NTF3: variants seen among roughly 807,000 people sequenced by gnomAD.
NTF3 encodes the protein neurotrophin 3.
NTF3 carries 8 observed loss-of-function variants against 26.3 expected under a neutral mutation model. The ratio of observed to expected loss-of-function variants is 0.30; its 90% CI spans 0.18 to 0.55. The LOEUF is 0.55. Ranked by LOEUF, NTF3 falls within the 20% of genes least tolerant of loss-of-function variation. NTF3 has a pLI of 0.93. For missense variants in NTF3, 276 were observed against 352.9 expected (o/e 0.78, Z 1.75); for synonymous variants, 154 against 145.5 (o/e 1.06, Z -0.42).
chr12:5,481,539 CAGAAT>C (rs1940797984), intron 1 of NTF3, among the ~76,000 whole-genome samples: 1 of 11,796 alleles, frequency 8.5e-5, no homozygotes, highest in African/African-American at 2.6e-4. Context: ...GACACATTCA[CAGAAT>C]ACATATATGC....
Position 5,495,103 on chromosome 12 carries a change from T to G in NTF3, c.*115T>G. 1 of 1,136,430 alleles carries G rather than the reference T, an allele frequency of 8.8e-7. No homozygotes were observed. The highest frequency in any genetic ancestry group is 1.2e-6 in the Non-Finnish European group (1 of 800,378). The allele number at this position is 1,136,430 out of a possible 1,614,324, so 70.4% of individuals were successfully genotyped here. A position where few individuals can be genotyped will look rare whatever the true frequency, so the allele number is the denominator to read the frequency against. On this transcript the variant is annotated 3_prime_UTR_variant, in exon 2 of 2. Transcript: ENST00000423158. ...TAAGTTGACCTTTATTTATTAAACT[T>G]CAGCAACCCTACAGTATATAAGCTT...
At chr12:5,438,633 T>C (rs563522854) in intron 1 of NTF3, among the ~76,000 whole-genome samples, 9 of 152,224 alleles carry the variant, frequency 5.9e-5, no homozygotes, top group Middle Eastern at 3.4e-3. Flanking sequence ...AGGCCAGAGA[T>C]TTTGGAGGAA....
Position 5,494,261 on chromosome 12 carries a change from T to C in NTF3, c.86T>C (p.Ile29Thr). Reference protein sequence around the residue: ...YVIFLAYLRGIQGNNMDQRSL... With the variant: ...YVIFLAYLRGTQGNNMDQRSL... ...ATATTTCTCGCTTATCTCCGTGGCATCCAAGGTAACAACATGGATCAAAGG... is the reference window on the plus strand; with the variant it reads ...ATATTTCTCGCTTATCTCCGTGGCACCCAAGGTAACAACATGGATCAAAGG... Residue 29 changes from isoleucine to threonine, a missense_variant, in exon 2 of 2, where the codon ATC (isoleucine) becomes ACC (threonine). Coordinates refer to ENST00000423158, the MANE Select transcript of NTF3 (RefSeq NM_001102654.2). This position sits in a 1 kb window ranked among gnomAD's most constrained non-coding sequence, Gnocchi z 8.3. 6.2e-7 allele frequency: 1 copy of C among 1,614,120 alleles called. No individual in the cohort carries two copies. The highest frequency in any genetic ancestry group is 8.5e-7 in the Non-Finnish European group (1 of 1,180,026).
chr12:5,442,213 G>A (rs1178584053), intron 1 of NTF3, among the ~76,000 whole-genome samples: 2 of 152,156 alleles, frequency 1.3e-5, no homozygotes, highest in African/African-American at 4.8e-5. Flanking sequence ...TTCAGGTGTT[G>A]TTTTTTAGTA....
In NTF3 at chr12:5,441,951, C is replaced by T. The variant is rs80101005; in HGVS notation, c.18+9609C>T. Among the ~76,000 whole-genome samples the T allele has an allele frequency of 2.2e-3, 335 of 152,312 alleles. 2 individuals carry two copies. The highest frequency in any genetic ancestry group is 0.01 in the Middle Eastern group (3 of 294). ...ATTGGGGCTCTTGGTCACAGGGAAT[C>T]GGGTGTCATTGCATACGCATTAGGA... On this transcript the variant is annotated intron_variant, in intron 1 of 1. Coordinates refer to ENST00000423158, the MANE Select transcript of NTF3 (RefSeq NM_001102654.2).
intron 1 of NTF3, among the ~76,000 whole-genome samples, chr12:5,484,561 G>C (rs12306918): frequency 0.13 from 19,470 of 152,086 alleles, 1,332 homozygotes; most frequent in South Asian, 0.17. Flanking sequence ...TTAGCAGAAG[G>C]ATTCCTTAGC....
intron 1 of NTF3, among the ~76,000 whole-genome samples, chr12:5,461,247 C>T (rs762589070): frequency 2.0e-4 from 31 of 152,244 alleles, no homozygotes; most frequent in Non-Finnish European, 3.2e-4. Context: ...TCAGGAGGTG[C>T]AGCATAGTCT....
intron 1 of NTF3, among the ~76,000 whole-genome samples, chr12:5,452,011 G>A (rs776562100): frequency 1.3e-5 from 2 of 151,108 alleles, no homozygotes; most frequent in South Asian, 4.2e-4. Context: ...TAAATAAGGG[G>A]CTCACCATAC....
At chr12:5,484,590 G>T (rs1031969441) in intron 1 of NTF3, among the ~76,000 whole-genome samples, 1 of 152,100 alleles carries the variant, frequency 6.6e-6, no homozygotes, top group Admixed American at 6.5e-5. Context: ...CATTGTAAAA[G>T]GGCCAACAAT....
chr12:5,454,758 G>C (rs1940416469), intron 1 of NTF3, among the ~76,000 whole-genome samples: 1 of 152,206 alleles, frequency 6.6e-6, no homozygotes, highest in African/African-American at 2.4e-5. Context: ...AGCTGTGCAT[G>C]GAAAGCAAGG....
intron 1 of NTF3, among the ~76,000 whole-genome samples, chr12:5,461,204 AG>A (rs1940520549): frequency 6.6e-6 from 1 of 152,188 alleles, no homozygotes; most frequent in Non-Finnish European, 1.5e-5. Context: ...AGCATTTCCC[AG>A]GGTTGCTGCT....
Position 5,481,342 on chromosome 12 carries a change from C to G in NTF3, c.19-12852C>G, listed in dbSNP as rs577179324. Among the ~76,000 whole-genome samples, 5 of 151,906 alleles carry G rather than the reference C, an allele frequency of 3.3e-5. No individual in the cohort carries two copies. The South Asian group carries it at 1.0e-3, about 32-fold the overall frequency. Reference sequence around the variant, plus strand: ...CCCCTTCTCAGCATCCCTTGCCCAGCACACCACGCACACATGTACATACAC... The same window carrying G: ...CCCCTTCTCAGCATCCCTTGCCCAGGACACCACGCACACATGTACATACAC... On this transcript the variant is annotated intron_variant, in intron 1 of 1. Coordinates refer to ENST00000423158, the MANE Select transcript of NTF3 (RefSeq NM_001102654.2).
intron 1 of NTF3, among the ~76,000 whole-genome samples, chr12:5,451,783 T>G (rs1376543103): frequency 1.3e-5 from 2 of 152,190 alleles, no homozygotes; most frequent in African/African-American, 4.8e-5. Flanking sequence ...AACCTCCAAT[T>G]CCTGGGCTCA....
chr12:5,436,641 G>A (rs946652581), intron 1 of NTF3, among the ~76,000 whole-genome samples: 3 of 152,178 alleles, frequency 2.0e-5, no homozygotes, highest in Non-Finnish European at 2.9e-5. Context: ...GTGCTAGCAC[G>A]TATGTAGGTC....
chr12:5,465,130 C>T (rs780434473), intron 1 of NTF3, among the ~76,000 whole-genome samples: 29 of 152,286 alleles, frequency 1.9e-4, no homozygotes, highest in Admixed American at 3.3e-4. Flanking sequence ...TCACATCTCC[C>T]GCCCTCAGTC....
chr12:5,467,272 CTTGCCAAGCTCGCTTTT>C lies in NTF3; in HGVS notation c.19-26920_19-26904del, dbSNP rs1367361350. On this transcript the variant is annotated intron_variant, in intron 1 of 1. Transcript: ENST00000423158. The stretch of plus-strand genomic sequence containing the variant: ...AAAAAAAAAAAAAAAAAGTCGGGGG[CTTGCCAAGCTCGCTTTT>C]TGGGGCAATGGGAGGGAAATTTTAA... 1.1e-3 allele frequency among the ~76,000 whole-genome samples: 129 copies of C among 113,878 alleles called. 2 individuals are homozygous for C. In the East Asian group the frequency reaches 0.028, roughly 25 times the overall value. 74.7% of individuals were successfully genotyped at this position (113,878 alleles called of 152,430 possible).
At chr12:5,489,978 G>A (rs1364668079) in intron 1 of NTF3, among the ~76,000 whole-genome samples, 1 of 152,180 alleles carries the variant, frequency 6.6e-6, no homozygotes, top group Non-Finnish European at 1.5e-5. Flanking sequence ...CACCATATGT[G>A]GGAAAGCGTT....
chr12:5,438,621 C>T (rs1940201388), intron 1 of NTF3, among the ~76,000 whole-genome samples: 1 of 152,156 alleles, frequency 6.6e-6, no homozygotes, highest in Admixed American at 6.5e-5. Context: ...CTCCAACATT[C>T]AAGGCCAGAG....
upstream of NTF3, chr12:5,432,089 C>T (rs1475125873): frequency 1.7e-6 from 1 of 584,414 alleles, no homozygotes; most frequent in Non-Finnish European, 3.1e-6. Flanking sequence ...GTTATAACCG[C>T]GCAGATTCTG....
Sources: allele counts gnomAD v4.1 joint callset (sites outside exome capture counted in the v4.1 genomes callset), GRCh38; gene constraint gnomAD v4.1.1; non-coding constraint Gnocchi (gnomAD v3.1); transcripts MANE v1.5; gene names NCBI Gene and HGNC (gene_info 2026-07-23, HGNC 2026-07-21).